The following MYCBP2 variants were observed in gnomAD, a reference collection of about 807,000 sequenced individuals.
MYCBP2 encodes E3 ubiquitin-protein ligase MYCBP2.
A neutral mutation model predicts 525.3 loss-of-function variants in MYCBP2; 120 were observed. The observed-to-expected ratio is 0.23, with a 90% CI of 0.20 to 0.27. MYCBP2 has a LOEUF of 0.27. Ranked by LOEUF, MYCBP2 falls within the 10% of genes least tolerant of loss-of-function variation. The probability of loss-of-function intolerance (pLI) is 1.00; values close to 1 mark genes in which losing one functional copy is unlikely to be tolerated. For synonymous variants in MYCBP2, 1,894 were observed against 1,955.8 expected (o/e 0.97, Z 0.83); for missense variants, 4,149 against 5,657.1 (o/e 0.73, Z 8.55).
At chr13:77,065,571 A>G (rs1342984257) in intron 72 of MYCBP2, among the ~76,000 whole-genome samples, 1 of 152,220 alleles carries the variant, frequency 6.6e-6, no homozygotes. Flanking sequence ...TTTGGAAGCC[A>G]CCATCTTAAG....
At chr13:77,070,441 G>A (rs998144658) in intron 69 of MYCBP2, among the ~76,000 whole-genome samples, 190 bp downstream of exon 69, 8 of 151,592 alleles carry the variant, frequency 5.3e-5, no homozygotes, top group Non-Finnish European at 8.8e-5. Context: ...TAGTTCATCA[G>A]CTATTGTTAG....
At chr13:77,221,709 T>C (rs556824336) in intron 20 of MYCBP2, among the ~76,000 whole-genome samples, 1 of 152,264 alleles carries the variant, frequency 6.6e-6, no homozygotes, top group East Asian at 1.9e-4. Flanking sequence ...ATAGCCACGA[T>C]GATACAAATA....
intron 6 of MYCBP2, 37 bp downstream of exon 6, chr13:77,270,259 C>T (rs1470407848): frequency 2.5e-6 from 4 of 1,575,192 alleles, no homozygotes; most frequent in Non-Finnish European, 3.4e-6. Flanking sequence ...ATGGTTATAA[C>T]TCTGTATAAT....
chr13:77,129,128 ATAT>A, intron 52 of MYCBP2: 1 of 397,518 alleles, frequency 2.5e-6, no homozygotes, highest in Non-Finnish European at 4.4e-6. Context: ...CCTGAATAAA[ATAT>A]TATTGTTCCT....
Position 77,120,293 on chromosome 13 carries a change from A to G in MYCBP2, c.8140+1080T>C, listed in dbSNP as rs577080038. On this transcript the variant is annotated intron_variant, in intron 55 of 82. Transcript: ENST00000544440. The stretch of plus-strand genomic sequence containing the variant: ...TCAGGTACCCGAAGTAAGCGAGCAG[A>G]TGATACCCAATCCTATGAGATAGGC... Among the ~76,000 whole-genome samples the G allele has an allele frequency of 6.2e-4, 94 of 152,310 alleles. No homozygotes were observed. In the South Asian group the frequency reaches 0.019, roughly 32 times the overall value.
chr13:77,179,161 T>G (rs1233809203), intron 34 of MYCBP2, among the ~76,000 whole-genome samples: 1 of 152,166 alleles, frequency 6.6e-6, no homozygotes, highest in Non-Finnish European at 1.5e-5. Context: ...GTGTATATAT[T>G]GGATGGGTTA....
intron 2 of MYCBP2, among the ~76,000 whole-genome samples, chr13:77,288,759 C>G (rs1301236312): frequency 6.6e-6 from 1 of 152,112 alleles, no homozygotes; most frequent in Non-Finnish European, 1.5e-5. Flanking sequence ...CTACTACAAA[C>G]ATTAGATTGC....
At chr13:77,242,712 G>A (rs1462044430) in intron 17 of MYCBP2, among the ~76,000 whole-genome samples, 13 of 152,160 alleles carry the variant, frequency 8.5e-5, no homozygotes, top group Admixed American at 7.2e-4. Flanking sequence ...TCCAAAGTCC[G>A]GGTGAAGGAC....
chr13:77,131,378 G>A (rs913196955), intron 52 of MYCBP2, among the ~76,000 whole-genome samples: 3 of 151,908 alleles, frequency 2.0e-5, no homozygotes, highest in South Asian at 4.2e-4. Context: ...ATATAGCTCG[G>A]CATGGTAGTA....
At chr13:77,222,605 G>C (rs9600836) in intron 20 of MYCBP2, among the ~76,000 whole-genome samples, 5,678 of 152,154 alleles carry the variant, frequency 0.037, 375 homozygotes, top group African/African-American at 0.13. Context: ...AAAAAACTCT[G>C]ATGCTGGCAT....
intron 62 of MYCBP2, among the ~76,000 whole-genome samples, chr13:77,086,422 C>T (rs1160613864): frequency 2.6e-4 from 39 of 151,982 alleles, no homozygotes; most frequent in Non-Finnish European, 4.4e-5. Flanking sequence ...ATAATTTGTC[C>T]ACCATGATTT....
intron 1 of MYCBP2, among the ~76,000 whole-genome samples, chr13:77,316,453 C>T (rs565572970): frequency 9.9e-5 from 15 of 152,278 alleles, no homozygotes; most frequent in Admixed American, 6.5e-4. Context: ...AACCAATGTT[C>T]CCAGCAGTCG....
intron 8 of MYCBP2, among the ~76,000 whole-genome samples, chr13:77,266,478 T>A (rs1265610022): frequency 6.6e-6 from 1 of 152,044 alleles, no homozygotes; most frequent in East Asian, 1.9e-4. Context: ...GATCACACTT[T>A]TTTACAAGTA....
rs777780352 is a variant in MYCBP2, at chr13:77,097,824, A to G, written c.9330T>C (p.Ser3110=). ...FNIAPHGPDI[S]KMGSINKNKV... is the part of the protein sequence containing the mutation. Reference sequence around the variant, plus strand: ...TGTTTTTGTTGATGCTACCCATCTTAGATATATCTGGTCCATGGGGTGCAA... The same window carrying G: ...TGTTTTTGTTGATGCTACCCATCTTGGATATATCTGGTCCATGGGGTGCAA... The change falls in exon 56 of 83, where the codon TCT becomes TCC. Residue 3110 remains serine, a synonymous_variant. Transcript: ENST00000544440. The G allele has an allele frequency of 6.2e-7, 1 of 1,613,748 alleles. No homozygotes were observed. The highest frequency in any genetic ancestry group is 1.1e-5 in the South Asian group (1 of 91,072).
At chr13:77,309,306 G>A (rs1457947439) in intron 1 of MYCBP2, among the ~76,000 whole-genome samples, 1 of 152,194 alleles carries the variant, frequency 6.6e-6, no homozygotes, top group Non-Finnish European at 1.5e-5. Flanking sequence ...TAAGGGAAAA[G>A]AGGCAGTTTG....
In MYCBP2 at chr13:77,168,535, T is replaced by C; in HGVS notation, c.6007A>G (p.Thr2003Ala). The change falls in exon 40 of 83, where the codon ACA becomes GCA. Residue 2003 changes from threonine (T) to alanine (A), a missense_variant. Thr to Ala is a moderately conservative substitution (Grantham distance 58). Coordinates refer to ENST00000544440, the MANE Select transcript of MYCBP2 (RefSeq NM_015057.5). ...AGGCCCTGTTCAGGCTGGTTTCCTG[T>C]GGTGCTATCTGTCGACTGATTAGGG... The part of the protein sequence containing the change: ...FNPNQSTDST[T>A]GNQPEQGLSA... 6.2e-7 allele frequency: 1 copy of C among 1,614,138 alleles called. No homozygotes were observed. Among genetic ancestry groups the C allele is most frequent in the Non-Finnish European group, 8.5e-7 (1 of 1,180,032 alleles).
At chr13:77,175,047 C>T (rs1331768149) in intron 36 of MYCBP2, among the ~76,000 whole-genome samples, 2 of 144,540 alleles carry the variant, frequency 1.4e-5, no homozygotes, top group Non-Finnish European at 3.0e-5. Flanking sequence ...CCTCCTCTTC[C>T]TGGGCTCAAG....
rs150445210 is a variant in MYCBP2, at chr13:77,239,012, C to T, written c.2629+4047G>A. ...GTGCATGCCTATAATCCCAGCTACT[C>T]GGGAGGCCGAGGCAGGAGAATCGCT... On this transcript the variant is annotated intron_variant, in intron 17 of 82. Transcript: ENST00000544440. Among the ~76,000 whole-genome samples the T allele has an allele frequency of 5.0e-3, 760 of 152,138 alleles. 5 individuals are homozygous for T. The highest frequency in any genetic ancestry group is 9.3e-3 in the South Asian group (45 of 4,818).
At chr13:77,207,940 G>A (rs2063536260) in intron 23 of MYCBP2, among the ~76,000 whole-genome samples, 1 of 151,976 alleles carries the variant, frequency 6.6e-6, no homozygotes, top group Non-Finnish European at 1.5e-5. Flanking sequence ...GAAATTATCT[G>A]CCCATCCCCC....
Sources: gnomAD v4.1 joint callset for allele counts (sites outside exome capture counted in the v4.1 genomes callset) on GRCh38, gnomAD v4.1.1 for gene constraint, MANE v1.5 for transcripts, NCBI Gene and HGNC (gene_info 2026-07-23, HGNC 2026-07-21) for gene names.